IGDCC4: variants seen among roughly 807,000 people sequenced by gnomAD.
IGDCC4 encodes likely ortholog of mouse neighbor of Punc E11.
IGDCC4 carries 72 observed loss-of-function variants against 116.6 expected under a neutral mutation model. The observed-to-expected ratio is 0.62, with a 90% CI of 0.51 to 0.75. The LOEUF (loss-of-function observed/expected upper bound fraction) is 0.75, where lower values mean the gene tolerates loss of function less well. Among genes scored for constraint, IGDCC4 ranks in the 30% least tolerant of loss-of-function variants. IGDCC4 has a pLI of 0.00. For missense variants in IGDCC4, 1,501 were observed against 1,662.4 expected (o/e 0.90, Z 1.69); for synonymous variants, 709 against 719.9 (o/e 0.98, Z 0.24).
chr15:65,417,358 C>T (rs2063154032), intron 1 of IGDCC4, among the ~76,000 whole-genome samples: 1 of 152,116 alleles, frequency 6.6e-6, no homozygotes. Context: ...CAGCCTCAGC[C>T]TATCCAACAG....
At chr15:65,422,375 C>A in intron 1 of IGDCC4, among the ~76,000 whole-genome samples, 1 of 151,946 alleles carries the variant, frequency 6.6e-6, no homozygotes, top group Non-Finnish European at 1.5e-5. Context: ...CAGTTCCCTC[C>A]TCTTTTACAC....
intron 1 of IGDCC4, 68 bp downstream of exon 1, chr15:65,422,725 T>G: frequency 8.2e-7 from 1 of 1,223,460 alleles, no homozygotes. Flanking sequence ...CGCAGCCCGA[T>G]GCAGACCAGG....
chr15:65,419,118 G>A (rs1003439350), intron 1 of IGDCC4, among the ~76,000 whole-genome samples: 10 of 151,802 alleles, frequency 6.6e-5, no homozygotes, highest in African/African-American at 2.2e-4. Flanking sequence ...AGTGGTGCGA[G>A]CCATCATAGC....
chr15:65,388,903 G>T lies in IGDCC4; in HGVS notation c.2612C>A (p.Pro871His), dbSNP rs956522134. 3 of 1,613,754 alleles carry T rather than the reference G, an allele frequency of 1.9e-6. No homozygotes were observed. Among genetic ancestry groups the T allele is most frequent in the Admixed American group, 1.7e-5 (1 of 59,984 alleles). The change falls in exon 15 of 20, where the codon CCC becomes CAC. Residue 871 changes from proline (P) to histidine (H), a missense_variant. This residue lies in a region of IGDCC4 where 235 missense variants were observed against 328.0 expected (regional missense o/e 0.72). Coordinates refer to ENST00000352385, the MANE Select transcript of IGDCC4 (RefSeq NM_020962.3). ...CACGATCTCCCCGTTGGGCTCTGTG[G>T]GGGGGCACCAGTGCAGCCGAACCGT... The part of the protein sequence containing the change: ...PSTVRLHWCP[P>H]TEPNGEIVEY...
At position 65,394,676 on chromosome 15, in the gene IGDCC4, G is replaced by A. The variant is rs2062903623; in HGVS notation, c.1577-128C>T. 1.6e-5 allele frequency: 15 copies of A among 930,064 alleles called. No individual in the cohort carries two copies. The South Asian group carries it at 2.7e-4, about 16-fold the overall frequency. The allele number at this position is 930,064 out of a possible 1,614,324, so 57.6% of individuals were successfully genotyped here. On this transcript the variant is annotated intron_variant, in intron 8 of 19. Coordinates refer to ENST00000352385, the MANE Select transcript of IGDCC4 (RefSeq NM_020962.3). ...AGGCCAGGACCAGGATCTGAGGGAG[G>A]AAAGGGAGCTTCTCAGGGGAGCCCC...
chr15:65,394,590 G>A (rs776938389), intron 8 of IGDCC4, 42 bp from the exon 9 acceptor site: 34 of 1,543,092 alleles, frequency 2.2e-5, no homozygotes, highest in South Asian at 1.6e-4. Context: ...CTCCACCGAC[G>A]TGGAAGGTGA....
chr15:65,399,704 T>G (rs1399221158), intron 5 of IGDCC4, among the ~76,000 whole-genome samples: 1 of 152,176 alleles, frequency 6.6e-6, no homozygotes, highest in African/African-American at 2.4e-5. Context: ...GCCAGCACTG[T>G]TCTATTTTAT....
At chr15:65,408,525 C>G (rs1265906332) in intron 3 of IGDCC4, among the ~76,000 whole-genome samples, 1 of 152,148 alleles carries the variant, frequency 6.6e-6, no homozygotes, top group African/African-American at 2.4e-5. Flanking sequence ...GGCAAACGAG[C>G]CTAGGAAGTG....
At chr15:65,395,619 G>A (rs755717082) in intron 7 of IGDCC4, 131 bp downstream of exon 7, 2 of 1,029,406 alleles carry the variant, frequency 1.9e-6, no homozygotes, top group Non-Finnish European at 2.7e-6. Flanking sequence ...TCTCTCCTAT[G>A]GGCTCCTACC....
At chr15:65,395,707 C>A in intron 7 of IGDCC4, 43 bp downstream of exon 7, 1 of 1,400,600 alleles carries the variant, frequency 7.1e-7, no homozygotes, top group Non-Finnish European at 9.3e-7. Flanking sequence ...GGCTGCGCCC[C>A]GCCCGGGCCT....
chr15:65,395,573 C>T (rs148128989), intron 7 of IGDCC4, among the ~76,000 whole-genome samples, 177 bp downstream of exon 7: 1 of 152,306 alleles, frequency 6.6e-6, no homozygotes, highest in Non-Finnish European at 1.5e-5. Context: ...CTTCCAGCGC[C>T]AGTTGCCTAA....
rs572838495 is a variant in IGDCC4, at chr15:65,419,993, C to G, written c.70+2800G>C. ...ACAGAGTCTCACTTTGTCGCCCAGG[C>G]TGGAGTGCAGTGGCGTGATCTCAGC... On this transcript the variant is annotated intron_variant, in intron 1 of 19. Transcript: ENST00000352385. Among the ~76,000 whole-genome samples, 16 of 152,258 alleles carry G rather than the reference C, an allele frequency of 1.1e-4. No individual in the cohort carries two copies. In the East Asian group the frequency reaches 3.1e-3, roughly 29 times the overall value.
chr15:65,414,179 T>C (rs1213862143), intron 1 of IGDCC4, among the ~76,000 whole-genome samples: 2 of 152,114 alleles, frequency 1.3e-5, no homozygotes, highest in Admixed American at 6.5e-5. Context: ...AGAAGAGCAG[T>C]GATGGCTGCG....
At chr15:65,421,915 C>G (rs1012754564) in intron 1 of IGDCC4, among the ~76,000 whole-genome samples, 2 of 152,098 alleles carry the variant, frequency 1.3e-5, no homozygotes, top group Non-Finnish European at 2.9e-5. Context: ...CCTCCCCAGC[C>G]CTTTCTCCAG....
At position 65,395,244 on chromosome 15, in the gene IGDCC4, C is replaced by G. The variant is rs776350922; in HGVS notation, c.1426G>C (p.Glu476Gln). 1.2e-6 allele frequency: 2 copies of G among 1,613,024 alleles called. No individual in the cohort carries two copies. The highest frequency in any genetic ancestry group is 2.2e-5 in the South Asian group (2 of 91,000). Residue 476 changes from glutamate to glutamine, a missense_variant, in exon 8 of 20, where the codon GAA becomes CAA. Glu to Gln is a conservative substitution (Grantham distance 29). Around this residue, in one of 3 missense-constraint regions of IGDCC4, gnomAD observed 898 missense variants for 978.9 expected, o/e 0.92. Transcript: ENST00000352385. ...TCGTTGTTCACTGCAAACTGGTATT[C>G]CACATTGTCCATGCCTGGTGACACG... is the stretch of plus-strand genomic sequence containing the variant. ...YQKARGMDNV[E>Q]YQFAVNNDTT...
intron 1 of IGDCC4, among the ~76,000 whole-genome samples, chr15:65,412,047 T>G (rs1389269620): frequency 6.6e-6 from 1 of 152,158 alleles, no homozygotes; most frequent in East Asian, 1.9e-4. Context: ...AGAGACTCCG[T>G]CTCTACAGAT....
At chr15:65,411,534 A>G (rs1227874415) in intron 1 of IGDCC4, among the ~76,000 whole-genome samples, 164 bp from the exon 2 acceptor site, 1 of 152,174 alleles carries the variant, frequency 6.6e-6, no homozygotes. Flanking sequence ...AAACTGCTGC[A>G]TTCCTCTGTG....
chr15:65,397,870 A>G (rs1419016153), intron 5 of IGDCC4, among the ~76,000 whole-genome samples: 4 of 152,254 alleles, frequency 2.6e-5, no homozygotes, highest in Admixed American at 2.6e-4. Context: ...TGAACAGAGC[A>G]GATCACTGCA....
rs763622611 is a variant in IGDCC4 at position 65,385,992 on chromosome 15, G to A, written c.3019C>T (p.Leu1007Phe). 1.2e-6 allele frequency: 2 copies of A among 1,600,246 alleles called. No homozygotes were observed. The highest frequency in any genetic ancestry group is 1.1e-5 in the South Asian group (1 of 89,970). Residue 1007 changes from leucine (L) to phenylalanine (F), a missense_variant, in exon 18 of 20, where the codon CTT becomes TTT. Physicochemically the swap from Leu to Phe is conservative, Grantham distance 22 (BLOSUM62 0). Around this residue, in one of 3 missense-constraint regions of IGDCC4, gnomAD observed 368 missense variants for 355.6 expected, o/e 1.03. Coordinates refer to ENST00000352385, the MANE Select transcript of IGDCC4 (RefSeq NM_020962.3). ...GCAGCTGGGGGGCTGGGGGGGCCAA[G>A]CCGAGCTCTGGAGTACAGCGCGGGA... The part of the protein sequence containing the change: ...GNPALYSRAR[L>F]GPPSPPAAHE...
Sources: gnomAD v4.1 joint callset for allele counts (sites outside exome capture counted in the v4.1 genomes callset) on GRCh38, gnomAD v4.1.1 for gene constraint, gnomAD v4.1.1 regional missense constraint, MANE v1.5 for transcripts, NCBI Gene and HGNC (gene_info 2026-07-23, HGNC 2026-07-21) for gene names.